BIRC6: variants seen among roughly 807,000 people sequenced by gnomAD.
The protein encoded by BIRC6 is dual E2 ubiquitin-conjugating enzyme/E3 ubiquitin-protein ligase BIRC6.
A neutral mutation model predicts 503.3 loss-of-function variants in BIRC6; 98 were observed. That is an observed-to-expected ratio of 0.19 (90% CI 0.17 to 0.23). BIRC6 has a LOEUF of 0.23. Among genes scored for constraint, BIRC6 ranks in the 10% least tolerant of loss-of-function variants. BIRC6 has a pLI of 1.00. For synonymous variants in BIRC6, 2,240 were observed against 2,078.7 expected, an observed-to-expected ratio of 1.08 and a Z score of -2.11; for missense variants, 5,360 against 5,806.0, an observed-to-expected ratio of 0.92 and a Z score of 2.50.
intron 61 of BIRC6, among the ~76,000 whole-genome samples, chr2:32,539,247 TC>T (rs1208043519): frequency 6.6e-6 from 1 of 152,148 alleles, no homozygotes; most frequent in Non-Finnish European, 1.5e-5. Flanking sequence ...ATTAGATAAA[TC>T]TACATTTCAG....
chr2:32,568,538 TA>T (rs1559071426), intron 65 of BIRC6, among the ~76,000 whole-genome samples: 1 of 151,234 alleles, frequency 6.6e-6, no homozygotes, highest in Non-Finnish European at 1.5e-5. Context: ...AATGTAAAGT[TA>T]TTTTTTAGAA....
Position 32,441,362 on chromosome 2 carries a change from A to G in BIRC6, c.3844A>G (p.Ser1282Gly). The G allele has an allele frequency of 6.3e-7, 1 of 1,595,482 alleles. No homozygotes were observed. The highest frequency in any genetic ancestry group is 1.1e-5 in the South Asian group (1 of 89,376). Residue 1282 changes from serine (S) to glycine (G), a missense_variant, in exon 17 of 74, where the codon AGT (serine) becomes GGT (glycine). Physicochemically the swap from Ser to Gly is moderately conservative, Grantham distance 56. Around this residue, in one of 16 missense-constraint regions of BIRC6, gnomAD observed 2,299 missense variants for 2,267.2 expected, o/e 1.01. Coordinates refer to ENST00000421745, the MANE Select transcript of BIRC6 (RefSeq NM_016252.4). ...KSSNVKNENT[S>G]GTRKSENLRG... ...ATCTAATGTTAAGAATGAAAATACA[A>G]GTGGCACCCGTAAATCTGAAAACCT...
rs2045790102 is a variant in BIRC6 at position 32,444,860 on chromosome 2, ACT to A, written c.4337-658_4337-657del. On this transcript the variant is annotated intron_variant, in intron 20 of 73. Transcript: ENST00000421745. Reference sequence around the variant, plus strand: ...GAACATATTTTGGCTACAACCATTAACTCTATGGAATAGAACATTTTGACTCA... The same window carrying A: ...GAACATATTTTGGCTACAACCATTAACTATGGAATAGAACATTTTGACTCA... 3.9e-5 allele frequency among the ~76,000 whole-genome samples: 6 copies of A among 152,308 alleles called. No individual in the cohort carries two copies. In the South Asian group the frequency reaches 8.3e-4, roughly 21 times the overall value.
intron 23 of BIRC6, among the ~76,000 whole-genome samples, chr2:32,462,506 A>G (rs952513134): frequency 6.6e-6 from 1 of 152,130 alleles, no homozygotes; most frequent in African/African-American, 2.4e-5. Flanking sequence ...GCCTCTCTCC[A>G]TTTTGGTGTT....
Position 32,487,777 on chromosome 2 carries a change from C to T in BIRC6, c.7944C>T (p.Ser2648=). The change falls in exon 41 of 74, where the codon TCC becomes TCT. Residue 2648 remains serine (S), a synonymous_variant. Transcript: ENST00000421745. ...ATGTTTGTTTCAACAAACTTTTTTC[C>T]ATGCTTCAAGTCCATCATGTTCAGG... ...MLNVCFNKLF[S]MLQVHHVQLE... 6.2e-7 allele frequency: 1 copy of T among 1,612,470 alleles called. No homozygotes were observed. Among genetic ancestry groups the T allele is most frequent in the Non-Finnish European group, 8.5e-7 (1 of 1,178,686 alleles).
At chr2:32,568,933 A>T (rs1163510295) in intron 65 of BIRC6, among the ~76,000 whole-genome samples, 1 of 149,980 alleles carries the variant, frequency 6.7e-6, no homozygotes, top group Non-Finnish European at 1.5e-5. Flanking sequence ...CATTGTACCC[A>T]GTAGATATTT....
At chr2:32,451,239 T>C (rs1031738900) in intron 22 of BIRC6, among the ~76,000 whole-genome samples, 1 of 152,212 alleles carries the variant, frequency 6.6e-6, no homozygotes, top group Non-Finnish European at 1.5e-5. Context: ...ATACAGCATA[T>C]AAAATCCTAA....
In BIRC6 at chr2:32,505,195, A is replaced by G. The variant is rs769952522; in HGVS notation, c.9690A>G (p.Ala3230=). 7.0e-6 allele frequency: 11 copies of G among 1,565,650 alleles called. No individual in the cohort carries two copies. Among genetic ancestry groups the G allele is most frequent in the Non-Finnish European group, 8.7e-6 (10 of 1,153,310 alleles). Residue 3230 remains alanine (A), a synonymous_variant, in exon 50 of 74, where the codon GCA becomes GCG. Transcript: ENST00000421745. ...AGATACATATCCAGCCTCATCTTGC[A>G]TCTCTTGCAAGTGAGTAATATTTTA... is the stretch of plus-strand genomic sequence containing the variant. ...LKEIHIQPHL[A]SLATCPSSVS...
At chr2:32,426,967 ATTGT>A (rs1456125925) in intron 10 of BIRC6, among the ~76,000 whole-genome samples, 2 of 152,110 alleles carry the variant, frequency 1.3e-5, no homozygotes, top group Non-Finnish European at 2.9e-5. Context: ...TCTGGTCTCC[ATTGT>A]TTCTCATAGT....
chr2:32,536,975 A>T (rs532683053), intron 61 of BIRC6, among the ~76,000 whole-genome samples: 1 of 152,282 alleles, frequency 6.6e-6, no homozygotes, highest in Admixed American at 6.5e-5. Flanking sequence ...GGGGTCCTTC[A>T]CATCCCTTGT....
At chr2:32,544,711 C>G (rs1483930417) in intron 62 of BIRC6, among the ~76,000 whole-genome samples, 1 of 91,208 alleles carries the variant, frequency 1.1e-5, no homozygotes, top group Non-Finnish European at 2.4e-5. Flanking sequence ...CTGAAGCTAT[C>G]AAATATTCAA....
At position 32,422,873 on chromosome 2, in the gene BIRC6, A is replaced by C. The variant is rs1007154165; in HGVS notation, c.2873-6273A>C. ...TTTCCTGTCAGTGGACATCTTGTTTATTTCTGTTTTTTTCTGCTATAAACG... is the reference window on the plus strand; with the variant it reads ...TTTCCTGTCAGTGGACATCTTGTTTCTTTCTGTTTTTTTCTGCTATAAACG... On this transcript the variant is annotated intron_variant, in intron 10 of 73. Coordinates refer to ENST00000421745, the MANE Select transcript of BIRC6 (RefSeq NM_016252.4). Among the ~76,000 whole-genome samples the C allele has an allele frequency of 1.2e-4, 19 of 152,124 alleles. No individual in the cohort carries two copies. In the East Asian group the frequency reaches 3.7e-3, roughly 29 times the overall value.
At position 32,357,756 on chromosome 2, in the gene BIRC6, C is replaced by T. The variant is rs1427244488; in HGVS notation, c.325+270C>T. On this transcript the variant is annotated intron_variant, in intron 1 of 73. Transcript: ENST00000421745. This position sits in a 1 kb window ranked among gnomAD's most constrained non-coding sequence, Gnocchi z 4.9. The stretch of plus-strand genomic sequence containing the variant: ...CCTGGAGCGTCCGGTCTGGCTTGGT[C>T]CTCCGCGAGAGGTGAGGAGACCTTG... Among the ~76,000 whole-genome samples the T allele has an allele frequency of 6.6e-6, 1 of 152,116 alleles. No homozygotes were observed. The highest frequency in any genetic ancestry group is 1.9e-4 in the East Asian group (1 of 5,172).
At chr2:32,605,568 AATGTGAG>A (rs2062392274) in intron 71 of BIRC6, among the ~76,000 whole-genome samples, 1 of 152,182 alleles carries the variant, frequency 6.6e-6, no homozygotes, top group South Asian at 2.1e-4. Flanking sequence ...AGTGTCAGTA[AATGTGAG>A]ATGTCTGGCC....
In BIRC6 at chr2:32,397,690, A is replaced by ATG. The variant is rs760107854; in HGVS notation, c.1034+2099_1034+2100dup. On this transcript the variant is annotated intron_variant, in intron 6 of 73. Transcript: ENST00000421745. ...TATATATATACACACACACATATAT[A>ATG]TGTACACACACACACACACACACAT... is the stretch of plus-strand genomic sequence containing the variant. Among the ~76,000 whole-genome samples, 77 of 116,158 alleles carry ATG rather than the reference A, an allele frequency of 6.6e-4. 1 individual carries two copies. The highest frequency in any genetic ancestry group is 1.3e-3 in the Admixed American group (14 of 10,524). The allele number at this position is 116,158 out of a possible 152,430, so 76.2% of individuals were successfully genotyped here. A position where few individuals can be genotyped will look rare whatever the true frequency, so the allele number is the denominator to read the frequency against.
intron 50 of BIRC6, 189 bp downstream of exon 50, chr2:32,505,394 CA>C: frequency 1.8e-6 from 1 of 560,470 alleles, no homozygotes; most frequent in South Asian, 2.3e-5. Context: ...TAACCTCAGA[CA>C]AAAAGATTAT....
chr2:32,399,845 T>G (rs1326931946), intron 6 of BIRC6, among the ~76,000 whole-genome samples: 1 of 152,162 alleles, frequency 6.6e-6, no homozygotes, highest in African/African-American at 2.4e-5. Flanking sequence ...TGGAGTGCAG[T>G]GGCACGATCG....
chr2:32,534,766 A>G (rs1010408617), intron 61 of BIRC6, among the ~76,000 whole-genome samples: 16 of 149,820 alleles, frequency 1.1e-4, no homozygotes, highest in African/African-American at 4.0e-4. Flanking sequence ...AAAATGGTTC[A>G]AATGGAAGCA....
At position 32,477,436 on chromosome 2, in the gene BIRC6, T is replaced by A. The variant is rs1159298008; in HGVS notation, c.6921T>A (p.Val2307=). The part of the protein sequence containing the change: ...EWSRSNLDTE[V]TTAKESPEIE... Reference sequence around the variant, plus strand: ...CCCGTTCTAATTTAGACACAGAAGTTACAACAGCAAAAGAAAGTCCTGAGA... The same window carrying A: ...CCCGTTCTAATTTAGACACAGAAGTAACAACAGCAAAAGAAAGTCCTGAGA... The change falls in exon 35 of 74, where the codon GTT becomes GTA. Residue 2307 remains valine, a synonymous_variant. Transcript: ENST00000421745. The A allele has an allele frequency of 6.2e-7, 1 of 1,613,990 alleles. No individual in the cohort carries two copies. The highest frequency in any genetic ancestry group is 1.7e-5 in the Admixed American group (1 of 60,016).
Sources: gnomAD v4.1 joint callset for allele counts (sites outside exome capture counted in the v4.1 genomes callset) on GRCh38, gnomAD v4.1.1 for gene constraint, gnomAD v4.1.1 regional missense constraint, Gnocchi (gnomAD v3.1) non-coding constraint, MANE v1.5 for transcripts, NCBI Gene and HGNC (gene_info 2026-07-23, HGNC 2026-07-21) for gene names.